Variants in HDAC4 observed in about 807,000 individuals in gnomAD.
HDAC4 encodes the protein histone deacetylase A.
In HDAC4, 16 loss-of-function variants were observed where a neutral mutation model predicts 135.1. The ratio of observed to expected loss-of-function variants is 0.12; its 90% CI spans 0.08 to 0.18. HDAC4 has a LOEUF of 0.18. Ranked by LOEUF, HDAC4 falls within the 10% of genes least tolerant of loss-of-function variation. The probability of loss-of-function intolerance (pLI) is 1.00; values close to 1 mark genes in which losing one functional copy is unlikely to be tolerated. For synonymous variants in HDAC4, 685 were observed against 653.4 expected (o/e 1.05, Z -0.74); for missense variants, 1,143 against 1,511.8 (o/e 0.76, Z 4.05).
chr2:239,215,853 C>A (rs2046605138), intron 3 of HDAC4, among the ~76,000 whole-genome samples: 1 of 152,134 alleles, frequency 6.6e-6, no homozygotes, highest in African/African-American at 2.4e-5. Flanking sequence ...AAAAATCACC[C>A]TGAATAAATA....
intron 6 of HDAC4, among the ~76,000 whole-genome samples, chr2:239,159,318 C>T (rs116199098): frequency 1.3e-5 from 2 of 150,810 alleles, no homozygotes; most frequent in African/African-American, 4.9e-5. Flanking sequence ...TACACTCACA[C>T]CTGCACTGCA....
rs79139505 is a variant in HDAC4 at position 239,228,070 on chromosome 2, G to A, written c.94+8523C>T. Among the ~76,000 whole-genome samples the A allele has an allele frequency of 6.4e-3, 967 of 152,268 alleles. 21 individuals carry two copies. In the East Asian group the frequency reaches 0.072, roughly 11 times the overall value. On this transcript the variant is annotated intron_variant, in intron 3 of 26. Transcript: ENST00000543185. ...AGGTGGAAGGGACGGTGGTTGAGCT[G>A]CAGGAAGGGCAGAGCCACGAACCTG...
intron 1 of HDAC4, among the ~76,000 whole-genome samples, chr2:239,391,083 G>C (rs1319778825): frequency 6.6e-6 from 1 of 152,170 alleles, no homozygotes; most frequent in Admixed American, 6.5e-5. Flanking sequence ...GCTCGGCCTC[G>C]ATACGAATCA....
chr2:239,275,853 T>C (rs1317401829), intron 2 of HDAC4, among the ~76,000 whole-genome samples: 1 of 152,142 alleles, frequency 6.6e-6, no homozygotes, highest in Admixed American at 6.5e-5. Context: ...CTCCTCATGG[T>C]GCCACGTGCC....
At chr2:239,110,276 C>A (rs970013831) in intron 14 of HDAC4, among the ~76,000 whole-genome samples, 4 of 152,190 alleles carry the variant, frequency 2.6e-5, no homozygotes, top group Admixed American at 1.3e-4. Context: ...TGAACATGTA[C>A]TGTTTTATAA....
intron 2 of HDAC4, among the ~76,000 whole-genome samples, chr2:239,321,114 C>T (rs571742176): frequency 4.6e-5 from 7 of 152,132 alleles, no homozygotes; most frequent in Admixed American, 1.3e-4. Flanking sequence ...GTGCTTATAA[C>T]GTTTGCTTTA....
Position 239,326,189 on chromosome 2 carries a change from G to T in HDAC4, c.22+26489C>A, listed in dbSNP as rs1277849691. Among the ~76,000 whole-genome samples, 3 of 152,054 alleles carry T rather than the reference G, an allele frequency of 2.0e-5. No individual in the cohort carries two copies. The East Asian group carries it at 5.8e-4, about 29-fold the overall frequency. The stretch of plus-strand genomic sequence containing the variant: ...CACAATGGACTGCTCATCCTTAAAA[G>T]TTTTAGGAACCAAATTCTGACCATG... On this transcript the variant is annotated intron_variant, in intron 2 of 26. Transcript: ENST00000543185.
chr2:239,240,316 G>A lies in HDAC4; in HGVS notation c.23-3652C>T, dbSNP rs779570669. ...GCTGCGGTACACAGCCAGCTGGAAC[G>A]CATGACGGCATCCGTGAATGTGCAC... On this transcript the variant is annotated intron_variant, in intron 2 of 26. Coordinates refer to ENST00000543185, the MANE Select transcript of HDAC4 (RefSeq NM_001378414.1). This position sits in a 1 kb window ranked among gnomAD's most constrained non-coding sequence, Gnocchi z 4.5. 7.9e-5 allele frequency among the ~76,000 whole-genome samples: 12 copies of A among 152,250 alleles called. No homozygotes were observed. Among genetic ancestry groups the A allele is most frequent in the Non-Finnish European group, 1.6e-4 (11 of 68,048 alleles).
intron 2 of HDAC4, among the ~76,000 whole-genome samples, chr2:239,276,185 T>C (rs1296013150): frequency 2.0e-5 from 3 of 152,192 alleles, no homozygotes; most frequent in Non-Finnish European, 4.4e-5. Context: ...AACCTGAAGA[T>C]GGCAGACAAG....
At chr2:239,174,207 T>C (rs2043615864) in intron 5 of HDAC4, among the ~76,000 whole-genome samples, 1 of 152,144 alleles carries the variant, frequency 6.6e-6, no homozygotes. Flanking sequence ...TTTCTGTGCC[T>C]GAAAGATAAC....
chr2:239,074,098 G>A (rs1431329603), intron 22 of HDAC4, among the ~76,000 whole-genome samples: 3 of 152,014 alleles, frequency 2.0e-5, no homozygotes, highest in Admixed American at 6.6e-5. Flanking sequence ...GAGGGGGGCC[G>A]CAGGACTGAG....
At chr2:239,188,900 G>A (rs894977913) in intron 4 of HDAC4, among the ~76,000 whole-genome samples, 6 of 152,256 alleles carry the variant, frequency 3.9e-5, no homozygotes, top group African/African-American at 1.4e-4. Flanking sequence ...TCCCGCCTCA[G>A]TCCAGTCAAC....
chr2:239,075,492 C>T (rs966435955), intron 22 of HDAC4, among the ~76,000 whole-genome samples: 11 of 152,154 alleles, frequency 7.2e-5, no homozygotes, highest in African/African-American at 2.7e-4. Flanking sequence ...TGGACAAATG[C>T]CTGTAAGGTG....
chr2:239,215,018 G>C (rs751826476), intron 3 of HDAC4, among the ~76,000 whole-genome samples: 3 of 152,210 alleles, frequency 2.0e-5, no homozygotes, highest in African/African-American at 4.8e-5. Context: ...GCAGGCTCTA[G>C]GATCTGGAAG....
chr2:239,317,301 G>C (rs1248178169), intron 2 of HDAC4, among the ~76,000 whole-genome samples: 3 of 152,024 alleles, frequency 2.0e-5, no homozygotes, highest in Non-Finnish European at 4.4e-5. Context: ...ACTGCCATGT[G>C]TGTGGGTGGG....
chr2:239,397,720 G>A (rs750478298), intron 1 of HDAC4, among the ~76,000 whole-genome samples: 30 of 152,322 alleles, frequency 2.0e-4, no homozygotes, highest in Admixed American at 9.1e-4. Flanking sequence ...AAAACTGACC[G>A]TATGAAGAGA....
intron 15 of HDAC4, among the ~76,000 whole-genome samples, chr2:239,105,000 G>A (rs973615852): frequency 3.9e-5 from 6 of 152,226 alleles, no homozygotes; most frequent in Admixed American, 2.0e-4. Context: ...CGGGCTGTGC[G>A]TGCGGGACAC....
chr2:239,054,403 G>A (rs2031439092), intron 25 of HDAC4, among the ~76,000 whole-genome samples: 1 of 152,104 alleles, frequency 6.6e-6, no homozygotes, highest in Admixed American at 6.5e-5. Flanking sequence ...CAGGGAAGAG[G>A]CCGGAGTCCC....
intron 2 of HDAC4, among the ~76,000 whole-genome samples, chr2:239,325,921 G>A (rs753902002): frequency 9.9e-5 from 15 of 152,036 alleles, no homozygotes; most frequent in Non-Finnish European, 1.3e-4. Context: ...AGCCGAGATT[G>A]TACCACTGTA....
Sources: allele counts gnomAD v4.1 joint callset (sites outside exome capture counted in the v4.1 genomes callset), GRCh38; gene constraint gnomAD v4.1.1; non-coding constraint Gnocchi (gnomAD v3.1); transcripts MANE v1.5; gene names NCBI Gene and HGNC (gene_info 2026-07-23, HGNC 2026-07-21).